The following PRKN variants were observed in gnomAD, a reference collection of about 807,000 sequenced individuals.
PRKN encodes parkin RBR E3 ubiquitin protein ligase.
PRKN carries 56 observed loss-of-function variants against 59.5 expected under a neutral mutation model. The observed-to-expected ratio is 0.94, with a 90% CI of 0.76 to 1.18. The LOEUF is 1.18. PRKN is among the 50% of genes most tolerant of loss of function. The probability of loss-of-function intolerance (pLI) is 0.00; values close to 1 mark genes in which losing one functional copy is unlikely to be tolerated. For synonymous variants in PRKN, 250 were observed against 222.1 expected (o/e 1.13, Z -1.12); for missense variants, 657 against 596.4 (o/e 1.10, Z -1.06).
chr6:162,420,483 G>A (rs938692697), intron 2 of PRKN, among the ~76,000 whole-genome samples: 4 of 152,144 alleles, frequency 2.6e-5, no homozygotes, highest in East Asian at 3.9e-4. Flanking sequence ...TAACAGTGCA[G>A]ATTGCCTGCA....
chr6:161,821,397 C>A (rs1464019841), intron 6 of PRKN, among the ~76,000 whole-genome samples: 3 of 151,976 alleles, frequency 2.0e-5, no homozygotes, highest in Non-Finnish European at 4.4e-5. Context: ...GGTTATAATT[C>A]TATGGCTATA....
At chr6:162,134,093 A>G (rs1173664476) in intron 4 of PRKN, among the ~76,000 whole-genome samples, 1 of 152,008 alleles carries the variant, frequency 6.6e-6, no homozygotes, top group Non-Finnish European at 1.5e-5. Context: ...TATTTACAAA[A>G]CTCTATATGG....
At chr6:162,030,888 G>C (rs1893544) in intron 5 of PRKN, among the ~76,000 whole-genome samples, 17,674 of 152,154 alleles carry the variant, frequency 0.12, 1,364 homozygotes, top group African/African-American at 0.23. Flanking sequence ...TACTGTTCCT[G>C]ATCATTACCT....
chr6:162,389,024 A>C (rs1787021546), intron 2 of PRKN, among the ~76,000 whole-genome samples: 2 of 151,230 alleles, frequency 1.3e-5, no homozygotes, highest in Non-Finnish European at 3.0e-5. Context: ...AAAAAAAAAA[A>C]CAAAAAAACC....
chr6:161,752,114 T>C (rs1788720103), intron 7 of PRKN, among the ~76,000 whole-genome samples: 1 of 152,180 alleles, frequency 6.6e-6, no homozygotes. Context: ...AATTTACATT[T>C]TTGAAAAACC....
chr6:162,035,886 C>T (rs936517108), intron 5 of PRKN, among the ~76,000 whole-genome samples: 5 of 152,026 alleles, frequency 3.3e-5, no homozygotes, highest in African/African-American at 1.2e-4. Flanking sequence ...TTCATAGAAA[C>T]CCTTCACACT....
At chr6:161,443,893 T>A (rs1029645486) in intron 9 of PRKN, among the ~76,000 whole-genome samples, 3 of 152,182 alleles carry the variant, frequency 2.0e-5, no homozygotes, top group Non-Finnish European at 1.5e-5. Context: ...GCTCAAGTAA[T>A]AACGGAGCTG....
intron 6 of PRKN, among the ~76,000 whole-genome samples, chr6:161,890,487 G>A (rs529514765): frequency 1.6e-4 from 25 of 152,302 alleles, no homozygotes; most frequent in Middle Eastern, 6.8e-3. Context: ...TATGCTATGC[G>A]TTCAGAAAAG....
intron 9 of PRKN, among the ~76,000 whole-genome samples, chr6:161,430,365 A>T (rs1788582447): frequency 6.6e-6 from 1 of 152,226 alleles, no homozygotes; most frequent in African/African-American, 2.4e-5. Context: ...GAAGTTCAAC[A>T]TGAGTTTTGG....
intron 2 of PRKN, among the ~76,000 whole-genome samples, chr6:162,307,262 T>C (rs991055348): frequency 2.6e-5 from 4 of 151,964 alleles, no homozygotes; most frequent in African/African-American, 9.7e-5. Context: ...TAGCCAGTCA[T>C]GCTGGTGGGC....
intron 4 of PRKN, among the ~76,000 whole-genome samples, chr6:162,067,472 T>C (rs948221639): frequency 1.3e-5 from 2 of 152,216 alleles, no homozygotes; most frequent in African/African-American, 4.8e-5. Flanking sequence ...ATATTACTTA[T>C]AATACATCAG....
At position 161,444,028 on chromosome 6, in the gene PRKN, C is replaced by CGAGGT. The variant is rs1286703254; in HGVS notation, c.1084-57152_1084-57151insACCTC. ...CAGTGTGCACGAACTAACTAGGAGG[C>CGAGGT]GCCAGGCTTAGGCCTTAGGCAGACA... is the stretch of plus-strand genomic sequence containing the variant. On this transcript the variant is annotated intron_variant, in intron 9 of 11. Transcript: ENST00000366898. This position sits in a 1 kb window ranked among gnomAD's most constrained non-coding sequence, Gnocchi z 5.6. 7.9e-5 allele frequency among the ~76,000 whole-genome samples: 12 copies of CGAGGT among 152,174 alleles called. No individual in the cohort carries two copies. Among genetic ancestry groups the CGAGGT allele is most frequent in the Non-Finnish European group, 1.8e-4 (12 of 68,046 alleles).
At chr6:161,427,097 C>A (rs140718152) in intron 9 of PRKN, among the ~76,000 whole-genome samples, 2 of 152,044 alleles carry the variant, frequency 1.3e-5, no homozygotes, top group Admixed American at 6.6e-5. Context: ...TAGCTCACTG[C>A]AGCCTCCACC....
intron 4 of PRKN, among the ~76,000 whole-genome samples, chr6:162,119,890 T>C (rs994674435): frequency 4.6e-5 from 7 of 152,226 alleles, no homozygotes; most frequent in Non-Finnish European, 1.0e-4. Context: ...GTTCTTGAAC[T>C]TAATTGTAAT....
chr6:161,653,713 G>A (rs961928070), intron 7 of PRKN, among the ~76,000 whole-genome samples: 7 of 152,144 alleles, frequency 4.6e-5, no homozygotes, highest in Non-Finnish European at 8.8e-5. Flanking sequence ...TGGTGATTAA[G>A]GTCTGATGTA....
intron 2 of PRKN, among the ~76,000 whole-genome samples, chr6:162,288,516 C>T (rs74352937): frequency 0.055 from 8,332 of 152,158 alleles, 357 homozygotes; most frequent in African/African-American, 0.12. Flanking sequence ...CTCCATGAAA[C>T]GGGGTCTCAA....
At chr6:162,449,384 C>T (rs539376442) in intron 1 of PRKN, among the ~76,000 whole-genome samples, 1 of 152,248 alleles carries the variant, frequency 6.6e-6, no homozygotes, top group South Asian at 2.1e-4. Flanking sequence ...CAATCTATTT[C>T]CCTACCCAAT....
Position 161,514,250 on chromosome 6 carries a change from G to T in PRKN, c.1083+34604C>A, listed in dbSNP as rs561098033. ...TTTCTCAAGATTTCTGCAAATGAAA[G>T]ATATTTATTTATCCAACTGGGCAAG... On this transcript the variant is annotated intron_variant, in intron 9 of 11. Coordinates refer to ENST00000366898, the MANE Select transcript of PRKN (RefSeq NM_004562.3). Among the ~76,000 whole-genome samples the T allele has an allele frequency of 2.0e-5, 3 of 152,202 alleles. No homozygotes were observed. In the South Asian group the frequency reaches 6.2e-4, roughly 32 times the overall value.
intron 9 of PRKN, among the ~76,000 whole-genome samples, chr6:161,427,899 G>A (rs1051315451): frequency 1.3e-5 from 2 of 152,154 alleles, no homozygotes; most frequent in South Asian, 2.1e-4. Context: ...GACTCCAGGC[G>A]TGACTCCAGA....
Sources: allele counts gnomAD v4.1 joint callset (sites outside exome capture counted in the v4.1 genomes callset), GRCh38; gene constraint gnomAD v4.1.1; non-coding constraint Gnocchi (gnomAD v3.1); transcripts MANE v1.5; gene names NCBI Gene and HGNC (gene_info 2026-07-23, HGNC 2026-07-21).